Variants in AGBL4 observed in about 807,000 individuals in gnomAD.
The protein encoded by AGBL4 is cytosolic carboxypeptidase 6.
Under a neutral mutation model 66.4 loss-of-function variants are expected in AGBL4, and 58 were observed. The ratio of observed to expected loss-of-function variants is 0.87; its 90% CI spans 0.71 to 1.09. AGBL4 has a LOEUF of 1.09. Among genes scored for constraint, AGBL4 ranks in the 50% least tolerant of loss-of-function variants. The pLI, the probability that AGBL4 is intolerant of heterozygous loss-of-function variation, is 0.00. For synonymous variants in AGBL4, 234 were observed against 222.9 expected (o/e 1.05, Z -0.44); for missense variants, 579 against 631.0 (o/e 0.92, Z 0.88).
chr1:49,420,073 C>T (rs1645510137), intron 3 of AGBL4, among the ~76,000 whole-genome samples: 1 of 152,130 alleles, frequency 6.6e-6, no homozygotes, highest in African/African-American at 2.4e-5. Context: ...ATAAAGTACA[C>T]CCAAAGGAAT....
At chr1:49,799,229 C>T (rs1467644832) in intron 2 of AGBL4, among the ~76,000 whole-genome samples, 2 of 151,988 alleles carry the variant, frequency 1.3e-5, no homozygotes, top group Admixed American at 1.3e-4. Flanking sequence ...ATAATTAGGC[C>T]TACTTCACTA....
intron 6 of AGBL4, among the ~76,000 whole-genome samples, chr1:48,751,740 T>C (rs1311857817): frequency 2.0e-5 from 3 of 152,192 alleles, no homozygotes; most frequent in Non-Finnish European, 4.4e-5. Flanking sequence ...GGGAAAAGCC[T>C]AACAACTTCC....
intron 3 of AGBL4, among the ~76,000 whole-genome samples, chr1:49,532,777 C>A (rs1194696933): frequency 6.6e-6 from 1 of 152,172 alleles, no homozygotes; most frequent in East Asian, 1.9e-4. Flanking sequence ...GGTCACCTAT[C>A]TACCAAGTGA....
At chr1:49,071,329 T>C (rs1644599772) in intron 4 of AGBL4, among the ~76,000 whole-genome samples, 1 of 151,992 alleles carries the variant, frequency 6.6e-6, no homozygotes, top group African/African-American at 2.4e-5. Flanking sequence ...CTTTTAATTG[T>C]GGTGTTAGGG....
intron 1 of AGBL4, among the ~76,000 whole-genome samples, chr1:49,986,827 C>T (rs938060131): frequency 2.6e-5 from 4 of 151,918 alleles, no homozygotes; most frequent in Admixed American, 6.6e-5. Context: ...TACCATTGCC[C>T]GTGAAAACAA....
intron 3 of AGBL4, among the ~76,000 whole-genome samples, chr1:49,458,832 T>C (rs1646446978): frequency 6.6e-6 from 1 of 151,768 alleles, no homozygotes; most frequent in Admixed American, 6.6e-5. Flanking sequence ...TGATTTTTGT[T>C]TTTAATTGTG....
intron 5 of AGBL4, among the ~76,000 whole-genome samples, chr1:49,016,217 T>TGACA (rs1317080315): frequency 1.3e-5 from 2 of 152,216 alleles, no homozygotes; most frequent in Non-Finnish European, 2.9e-5. Flanking sequence ...GGCATGCCTG[T>TGACA]GACAGCTGTA....
intron 6 of AGBL4, among the ~76,000 whole-genome samples, chr1:48,697,677 A>G (rs1195519710): frequency 2.0e-5 from 3 of 152,204 alleles, no homozygotes; most frequent in Non-Finnish European, 4.4e-5. Context: ...CTTCCTTGGT[A>G]TCCCTGAAAT....
At chr1:49,751,850 T>A (rs1225149260) in intron 2 of AGBL4, among the ~76,000 whole-genome samples, 1 of 152,176 alleles carries the variant, frequency 6.6e-6, no homozygotes, top group African/African-American at 2.4e-5. Flanking sequence ...CTAGATTTTC[T>A]GGTTTATTTT....
intron 1 of AGBL4, among the ~76,000 whole-genome samples, chr1:49,910,990 G>C (rs1035514548): frequency 6.6e-6 from 1 of 152,104 alleles, no homozygotes; most frequent in African/African-American, 2.4e-5. Flanking sequence ...AAACAAAAAA[G>C]AAAACCAACC....
chr1:49,297,866 GT>G (rs1228442897), intron 3 of AGBL4, among the ~76,000 whole-genome samples: 1 of 152,126 alleles, frequency 6.6e-6, no homozygotes, highest in Non-Finnish European at 1.5e-5. Flanking sequence ...TCCTCATGCT[GT>G]GAGTTCTGCA....
At chr1:49,835,622 A>C (rs1557495928) in intron 2 of AGBL4, among the ~76,000 whole-genome samples, 1 of 152,102 alleles carries the variant, frequency 6.6e-6, no homozygotes, top group Non-Finnish European at 1.5e-5. Context: ...TTATGATGCT[A>C]CCTGGTTATT....
intron 2 of AGBL4, among the ~76,000 whole-genome samples, chr1:49,789,881 T>G (rs909304902): frequency 6.6e-6 from 1 of 152,152 alleles, no homozygotes; most frequent in African/African-American, 2.4e-5. Flanking sequence ...AAGACAATCC[T>G]AAGCAAAAAG....
chr1:49,268,780 C>A (rs1643987736), intron 3 of AGBL4, among the ~76,000 whole-genome samples: 1 of 152,100 alleles, frequency 6.6e-6, no homozygotes, highest in African/African-American at 2.4e-5. Context: ...GGTGGCACAG[C>A]CTTTTCTTGA....
intron 4 of AGBL4, among the ~76,000 whole-genome samples, chr1:49,055,489 T>C (rs1234348347): frequency 2.0e-5 from 3 of 152,054 alleles, no homozygotes; most frequent in Non-Finnish European, 4.4e-5. Flanking sequence ...GTATGTTCTA[T>C]AAAGAATAAT....
intron 5 of AGBL4, among the ~76,000 whole-genome samples, chr1:48,933,585 T>G (rs539366620): frequency 1.3e-5 from 2 of 152,336 alleles, no homozygotes; most frequent in African/African-American, 4.8e-5. Flanking sequence ...TTCCTACAAC[T>G]AGCTCTATAT....
At chr1:49,455,305 A>G (rs1646364900) in intron 3 of AGBL4, among the ~76,000 whole-genome samples, 1 of 151,740 alleles carries the variant, frequency 6.6e-6, no homozygotes, top group Admixed American at 6.6e-5. Context: ...AAATCAAGTA[A>G]TATCTCTTAC....
chr1:49,561,992 C>G (rs372195329), intron 3 of AGBL4, among the ~76,000 whole-genome samples: 18 of 151,726 alleles, frequency 1.2e-4, no homozygotes, highest in Non-Finnish European at 1.3e-4. Flanking sequence ...TTTTTAATGA[C>G]TGCCATTCTA....
intron 3 of AGBL4, among the ~76,000 whole-genome samples, chr1:49,323,497 A>G (rs1027886807): frequency 2.0e-4 from 26 of 131,368 alleles, no homozygotes; most frequent in African/African-American, 5.9e-5. Context: ...AGGTTTCACC[A>G]TGTTGCCCAG....
Sources: gnomAD v4.1 joint callset for allele counts (sites outside exome capture counted in the v4.1 genomes callset) on GRCh38, gnomAD v4.1.1 for gene constraint, MANE v1.5 for transcripts, NCBI Gene and HGNC (gene_info 2026-07-23, HGNC 2026-07-21) for gene names.